The following RETREG1 variants were observed in gnomAD, a reference collection of about 807,000 sequenced individuals.
The protein encoded by RETREG1 is reticulophagy regulator 1.
In RETREG1, 44 loss-of-function variants were observed where a neutral mutation model predicts 54.8. That is an observed-to-expected ratio of 0.80 (90% CI 0.63 to 1.03). The LOEUF (loss-of-function observed/expected upper bound fraction) is 1.03. Among genes scored for constraint, RETREG1 ranks in the 50% least tolerant of loss-of-function variants. RETREG1 has a pLI of 0.00. For synonymous variants in RETREG1, 217 were observed against 238.5 expected (o/e 0.91, Z 0.83); for missense variants, 554 against 605.1 (o/e 0.92, Z 0.89).
chr5:16,519,032 T>A (rs1274690974), intron 3 of RETREG1, among the ~76,000 whole-genome samples: 1 of 152,088 alleles, frequency 6.6e-6, no homozygotes. Flanking sequence ...TCTCCTTAGA[T>A]CAAACTGACC....
chr5:16,484,098 T>C (rs1738924096), intron 3 of RETREG1, among the ~76,000 whole-genome samples: 2 of 152,136 alleles, frequency 1.3e-5, no homozygotes, highest in South Asian at 4.1e-4. Context: ...GTTAAAAAGA[T>C]CTTACAATAT....
intron 3 of RETREG1, among the ~76,000 whole-genome samples, chr5:16,505,598 C>T (rs16868696): frequency 0.016 from 2,392 of 152,264 alleles, 60 homozygotes; most frequent in African/African-American, 0.055. Context: ...CAAGAAGATG[C>T]ATGAAGAGCT....
intron 1 of RETREG1, among the ~76,000 whole-genome samples, chr5:16,573,067 CAGCTACTCCGAGTCTG>C (rs1346528584): frequency 6.6e-6 from 1 of 151,110 alleles, no homozygotes; most frequent in African/African-American, 2.4e-5. Flanking sequence ...CCTGCAGTCC[CAGCTACTCCGAGTCTG>C]AAGCAGGAGA....
chr5:16,583,351 G>A (rs1742542843), intron 1 of RETREG1, among the ~76,000 whole-genome samples: 1 of 151,878 alleles, frequency 6.6e-6, no homozygotes, highest in Non-Finnish European at 1.5e-5. Flanking sequence ...AAAGTATCAG[G>A]GCGTGGTGGC....
chr5:16,565,640 G>C, intron 3 of RETREG1, 123 bp downstream of exon 3: 1 of 1,069,406 alleles, frequency 9.4e-7, no homozygotes, highest in Non-Finnish European at 1.4e-6. Flanking sequence ...TCCCACTCTG[G>C]TAAATTACTC....
At chr5:16,556,965 G>C (rs1741726861) in intron 3 of RETREG1, among the ~76,000 whole-genome samples, 1 of 152,130 alleles carries the variant, frequency 6.6e-6, no homozygotes, top group African/African-American at 2.4e-5. Flanking sequence ...AAGTAGCTGG[G>C]AATACAGGCG....
chr5:16,601,307 T>C (rs1341953259), intron 1 of RETREG1, among the ~76,000 whole-genome samples: 2 of 150,968 alleles, frequency 1.3e-5, no homozygotes, highest in Admixed American at 1.3e-4. Context: ...CTCACTGCAC[T>C]CCAGCCTGAG....
At chr5:16,538,845 C>G (rs2126604089) in intron 3 of RETREG1, among the ~76,000 whole-genome samples, 1 of 152,296 alleles carries the variant, frequency 6.6e-6, no homozygotes, top group South Asian at 2.1e-4. Flanking sequence ...GCTGGGACTA[C>G]AGGCGCCTGC....
Position 16,565,767 on chromosome 5 carries a change from C to G in RETREG1, c.454G>C (p.Glu152Gln), listed in dbSNP as rs1741988875. The G allele has an allele frequency of 6.2e-7, 1 of 1,613,916 alleles. No homozygotes were observed. Among genetic ancestry groups the G allele is most frequent in the South Asian group, 1.1e-5 (1 of 91,012 alleles). The change falls in exon 3 of 9, where the codon GAA (glutamate) becomes CAA (glutamine). Residue 152 changes from glutamate to glutamine, a missense_variant. This residue lies in a region of RETREG1 where 347 missense variants were observed against 412.3 expected (regional missense o/e 0.84). Transcript: ENST00000306320. ...CACGGAAAGAAAGTTCCCTACCTTT[C>G]ACTGAGGCTTCTCCACAACTGTGCA... ...RGAQLWRSLS[E>Q]SWEVINSKPD...
chr5:16,537,701 C>T (rs1310640774), intron 3 of RETREG1, among the ~76,000 whole-genome samples: 1 of 151,998 alleles, frequency 6.6e-6, no homozygotes, highest in Non-Finnish European at 1.5e-5. Context: ...TGTCCCCACC[C>T]AAAACAAAGC....
chr5:16,493,879 A>C (rs1055227502), intron 3 of RETREG1, among the ~76,000 whole-genome samples: 1 of 152,224 alleles, frequency 6.6e-6, no homozygotes, highest in African/African-American at 2.4e-5. Context: ...AGTTTCTCCA[A>C]AGTGCTTTTA....
chr5:16,600,254 G>A (rs1031920563), intron 1 of RETREG1, among the ~76,000 whole-genome samples: 3 of 152,172 alleles, frequency 2.0e-5, no homozygotes, highest in Non-Finnish European at 4.4e-5. Context: ...ACCCACCTCA[G>A]CCTCCCAAAG....
At chr5:16,552,148 C>A (rs115959148) in intron 3 of RETREG1, among the ~76,000 whole-genome samples, 6,234 of 152,208 alleles carry the variant, frequency 0.041, 395 homozygotes, top group African/African-American at 0.14. Context: ...ATTCAGCCTG[C>A]CCCAAACACA....
chr5:16,612,829 G>C (rs1016516638), intron 1 of RETREG1, among the ~76,000 whole-genome samples: 1 of 152,074 alleles, frequency 6.6e-6, no homozygotes, highest in African/African-American at 2.4e-5. Flanking sequence ...TCTCGGATTC[G>C]AGAATGTCTT....
At chr5:16,483,316 T>C (rs1362131716) in intron 4 of RETREG1, 30 bp downstream of exon 4, 4 of 1,612,018 alleles carry the variant, frequency 2.5e-6, no homozygotes, top group Non-Finnish European at 3.4e-6. Flanking sequence ...CTGAACATTT[T>C]AAAACATACT....
At chr5:16,557,197 C>T (rs1741734415) in intron 3 of RETREG1, among the ~76,000 whole-genome samples, 1 of 152,194 alleles carries the variant, frequency 6.6e-6, no homozygotes, top group African/African-American at 2.4e-5. Flanking sequence ...TCCTAGAAGG[C>T]TCTTCCCTTG....
chr5:16,591,916 G>A lies in RETREG1; in HGVS notation c.321-19814C>T, dbSNP rs938703987. Among the ~76,000 whole-genome samples the A allele has an allele frequency of 3.3e-5, 5 of 152,330 alleles. No homozygotes were observed. The East Asian group carries it at 5.8e-4, about 18-fold the overall frequency. ...AAGCTCTCCAAAGGAGTGCCACAGCGTCTGTGTTTGTAACATTTGACATGA... is the reference window on the plus strand; with the variant it reads ...AAGCTCTCCAAAGGAGTGCCACAGCATCTGTGTTTGTAACATTTGACATGA... On this transcript the variant is annotated intron_variant, in intron 1 of 8. Coordinates refer to ENST00000306320, the MANE Select transcript of RETREG1 (RefSeq NM_001034850.3).
intron 3 of RETREG1, among the ~76,000 whole-genome samples, chr5:16,552,894 T>C (rs890339783): frequency 6.6e-6 from 1 of 152,210 alleles, no homozygotes; most frequent in Admixed American, 6.5e-5. Context: ...TTAGCTTCTC[T>C]GAAACAGATG....
At chr5:16,532,921 C>T (rs1338786265) in intron 3 of RETREG1, among the ~76,000 whole-genome samples, 1 of 152,186 alleles carries the variant, frequency 6.6e-6, no homozygotes. Flanking sequence ...TACCTGAATT[C>T]ATTACATGTG....
Sources: gnomAD v4.1 joint callset for allele counts (sites outside exome capture counted in the v4.1 genomes callset) on GRCh38, gnomAD v4.1.1 for gene constraint, gnomAD v4.1.1 regional missense constraint, MANE v1.5 for transcripts, NCBI Gene and HGNC (gene_info 2026-07-23, HGNC 2026-07-21) for gene names.